The following APOBEC3F variants were observed in gnomAD, a reference collection of about 807,000 sequenced individuals.
APOBEC3F encodes DNA dC->dU-editing enzyme APOBEC-3F.
Under a neutral mutation model 45.8 loss-of-function variants are expected in APOBEC3F, and 34 were observed. That is an observed-to-expected ratio of 0.74 (90% CI 0.57 to 0.99). APOBEC3F has a LOEUF of 0.99. Ranked by LOEUF, APOBEC3F falls within the 50% of genes least tolerant of loss-of-function variation. APOBEC3F has a pLI of 0.00. For missense variants in APOBEC3F, 459 were observed against 474.1 expected (o/e 0.97, Z 0.30); for synonymous variants, 192 against 174.4 (o/e 1.10, Z -0.80).
rs765695851 is a variant in APOBEC3F at position 39,052,143 on chromosome 22, C to T, written c.793C>T (p.Pro265Ser). 58 of 1,614,006 alleles carry T rather than the reference C, an allele frequency of 3.6e-5. No individual in the cohort carries two copies. The highest frequency in any genetic ancestry group is 4.3e-5 in the Non-Finnish European group (51 of 1,179,906). The change falls in exon 6 of 7, where the codon CCT (proline) becomes TCT (serine). Residue 265 changes from proline to serine, a missense_variant. Transcript: ENST00000308521. ...LSWFCDDILS[P>S]NTNYEVTWYT... is the part of the protein sequence containing the mutation. ...TTGGTTCTGTGACGACATACTGTCT[C>T]CTAACACAAACTACGAGGTCACCTG...
chr22:39,047,716 A>T lies in APOBEC3F; in HGVS notation c.567-1709A>T, dbSNP rs545997977. Among the ~76,000 whole-genome samples the T allele has an allele frequency of 5.0e-5, 7 of 139,080 alleles. No homozygotes were observed. The East Asian group carries it at 1.5e-3, about 29-fold the overall frequency. The allele number at this position is 139,080 out of a possible 152,430, so 91.2% of individuals were successfully genotyped here. On this transcript the variant is annotated intron_variant, in intron 4 of 6. Transcript: ENST00000308521. ...AGCTTCTGAATGGGCCATCTCCCCC[A>T]CCTGCCCCAGCCCAGGCCCCCTGCT... is the stretch of plus-strand genomic sequence containing the variant.
chr22:39,047,497 A>C (rs2146346036), intron 4 of APOBEC3F, among the ~76,000 whole-genome samples: 1 of 152,304 alleles, frequency 6.6e-6, no homozygotes, highest in Non-Finnish European at 1.5e-5. Flanking sequence ...GGTGCACATG[A>C]AGCCCCAGAT....
rs376548537 is a variant in APOBEC3F, at chr22:39,052,476, A to C, written c.1004-101A>C. ...GCCTGCAGGGATGGCGCCAGTGTCC[A>C]CTGCAACTGGCAGTCAGGAGACCTG... On this transcript the variant is annotated intron_variant, in intron 6 of 6. Coordinates refer to ENST00000308521, the MANE Select transcript of APOBEC3F (RefSeq NM_145298.6). The C allele has an allele frequency of 7.3e-5, 114 of 1,568,744 alleles. No homozygotes were observed. The African/African-American group carries it at 1.5e-3, about 20-fold the overall frequency.
At position 39,052,251 on chromosome 22, in the gene APOBEC3F, A is replaced by G. The variant is rs377716039; in HGVS notation, c.901A>G (p.Ile301Val). The G allele has an allele frequency of 3.4e-5, 55 of 1,614,060 alleles. No homozygotes were observed. The highest frequency in any genetic ancestry group is 4.3e-5 in the Non-Finnish European group (51 of 1,180,028). Residue 301 changes from isoleucine (I) to valine (V), a missense_variant, in exon 6 of 7, where the codon ATC (isoleucine) becomes GTC (valine). Physicochemically the swap from Ile to Val is conservative, Grantham distance 29. Coordinates refer to ENST00000308521, the MANE Select transcript of APOBEC3F (RefSeq NM_145298.6). ...LARHSNVNLT[I>V]FTARLYYFWD... ...CAGGCACAGCAACGTGAATCTCACC[A>G]TCTTCACCGCCCGCCTCTACTACTT... is the stretch of plus-strand genomic sequence containing the variant.
chr22:39,043,468 T>C (rs1927032739), intron 2 of APOBEC3F, among the ~76,000 whole-genome samples: 1 of 29,966 alleles, frequency 3.3e-5, no homozygotes, highest in South Asian at 1.3e-3. Flanking sequence ...GCCCAGCTAA[T>C]TTTTTTTTTT....
Position 39,053,315 on chromosome 22 carries a change from A to G in APOBEC3F, c.*620A>G, listed in dbSNP as rs1360916685. On this transcript the variant is annotated 3_prime_UTR_variant, in exon 7 of 7. Transcript: ENST00000308521. ...CGGCGGCACAACCAAATCTTATTAA[A>G]CTCACCCTAGGCTGGCCGCGGTGAC... 1 of 151,100 alleles carries G rather than the reference A, an allele frequency of 6.6e-6. No individual in the cohort carries two copies. Among genetic ancestry groups the G allele is most frequent in the East Asian group, 1.9e-4 (1 of 5,142 alleles). The allele number at this position is 151,100 out of a possible 1,614,324, so 9.4% of individuals were successfully genotyped here.
At chr22:39,044,315 A>G (rs1263439434) in intron 2 of APOBEC3F, 3 of 1,442,012 alleles carry the variant, frequency 2.1e-6, no homozygotes, top group Non-Finnish European at 2.7e-6. Context: ...CAGGGCTGGG[A>G]AAACTTCCAA....
intron 5 of APOBEC3F, among the ~76,000 whole-genome samples, chr22:39,050,481 G>C (rs1313770703): frequency 6.9e-6 from 1 of 145,340 alleles, no homozygotes; most frequent in African/African-American, 2.6e-5. Flanking sequence ...AGCAGTGCTG[G>C]CCTCGGAAAC....
chr22:39,052,003 C>T, intron 5 of APOBEC3F, 71 bp from the exon 6 acceptor site: 10 of 1,583,848 alleles, frequency 6.3e-6, no homozygotes, highest in Non-Finnish European at 8.6e-6. Flanking sequence ...CCTCTGCTCC[C>T]ATCGCCCCAC....
At position 39,052,805 on chromosome 22, in the gene APOBEC3F, C is replaced by T. The variant is rs758326383; in HGVS notation, c.*110C>T. On this transcript the variant is annotated 3_prime_UTR_variant, in exon 7 of 7. Transcript: ENST00000308521. ...GCTTTTGCCTGGTCATCCTGAGCCC[C>T]TCCTGGCCTCAGGGCCATTCCATAG... is the stretch of plus-strand genomic sequence containing the variant. The T allele has an allele frequency of 9.3e-6, 14 of 1,513,048 alleles. No individual in the cohort carries two copies. Among genetic ancestry groups the T allele is most frequent in the Non-Finnish European group, 1.2e-5 (14 of 1,137,490 alleles). The allele number at this position is 1,513,048 out of a possible 1,614,324, so 93.7% of individuals were successfully genotyped here.
chr22:39,050,755 C>T (rs1363969803), intron 5 of APOBEC3F, among the ~76,000 whole-genome samples: 1 of 151,704 alleles, frequency 6.6e-6, no homozygotes, highest in Non-Finnish European at 1.5e-5. Context: ...CCCCTTTGGC[C>T]AACCTTCAAC....
chr22:39,048,598 G>A (rs184233771), intron 4 of APOBEC3F, among the ~76,000 whole-genome samples: 104 of 151,788 alleles, frequency 6.9e-4, no homozygotes, highest in Middle Eastern at 6.8e-3. Flanking sequence ...ACAAGGTCAG[G>A]AGTTCAAGAC....
rs1228796917 is a variant in APOBEC3F at position 39,054,141 on chromosome 22, T to C, written c.*1446T>C. On this transcript the variant is annotated 3_prime_UTR_variant, in exon 7 of 7. Transcript: ENST00000308521. ...GATTCTCCTGTCTCAGCCTCCCGAG[T>C]AGCTGGGATTACAGGCGTCCACCAC... Among the ~76,000 whole-genome samples the C allele has an allele frequency of 6.6e-5, 10 of 152,012 alleles. No homozygotes were observed. The highest frequency in any genetic ancestry group is 6.6e-4 in the Admixed American group (10 of 15,250).
At position 39,052,677 on chromosome 22, in the gene APOBEC3F, G is replaced by A. The variant is rs1422445885; in HGVS notation, c.1104G>A (p.Leu368=). 6 of 1,613,478 alleles carry A rather than the reference G, an allele frequency of 3.7e-6. No individual in the cohort carries two copies. In the African/African-American group the frequency reaches 6.7e-5, roughly 18 times the overall value. ...KYNFLFLDSK[L]QEILE is the part of the protein sequence containing the mutation. ...ACTTTCTATTCCTGGACAGCAAGCT[G>A]CAGGAGATTCTCGAGTGAGGGGTCT... Residue 368 remains leucine, a synonymous_variant, in exon 7 of 7, where the codon CTG becomes CTA. Coordinates refer to ENST00000308521, the MANE Select transcript of APOBEC3F (RefSeq NM_145298.6).
At chr22:39,052,533 G>C (rs1323275371) in intron 6 of APOBEC3F, 44 bp from the exon 7 acceptor site, 1 of 1,589,770 alleles carries the variant, frequency 6.3e-7, no homozygotes, top group Non-Finnish European at 8.6e-7. Context: ...GGCTGGGAGA[G>C]AAGCCTGCTG....
rs1445912764 is a variant in APOBEC3F, at chr22:39,045,414, C to G, written c.452-14C>G. 1.2e-6 allele frequency: 2 copies of G among 1,613,892 alleles called. No homozygotes were observed. Among genetic ancestry groups the G allele is most frequent in the African/African-American group, 2.7e-5 (2 of 74,904 alleles). On this transcript the variant is annotated splice_polypyrimidine_tract_variant and intron_variant, in intron 3 of 6. Transcript: ENST00000308521. The stretch of plus-strand genomic sequence containing the variant: ...CAGGGCAGAGCCTGACTGCTTCCTG[C>G]CTCTTCGTCTCAGAATTTGCATACT...
chr22:39,041,246 C>G (rs1462388367), intron 1 of APOBEC3F, among the ~76,000 whole-genome samples: 1 of 152,150 alleles, frequency 6.6e-6, no homozygotes, highest in African/African-American at 2.4e-5. Flanking sequence ...CATGGCAGGG[C>G]TGGTGCTCCC....
intron 4 of APOBEC3F, among the ~76,000 whole-genome samples, chr22:39,047,466 C>T (rs1456704678): frequency 3.9e-5 from 6 of 151,974 alleles, no homozygotes; most frequent in Admixed American, 3.9e-4. Context: ...CCATCAGGGC[C>T]AGGACAAGCC....
chr22:39,050,161 G>A (rs1162751322), intron 5 of APOBEC3F, among the ~76,000 whole-genome samples: 70 of 151,664 alleles, frequency 4.6e-4, no homozygotes, highest in African/African-American at 1.6e-3. Context: ...GGAGCTGTGC[G>A]TCCGGCAGTC....
Sources: gnomAD v4.1 joint callset for allele counts (sites outside exome capture counted in the v4.1 genomes callset) on GRCh38, gnomAD v4.1.1 for gene constraint, MANE v1.5 for transcripts, NCBI Gene and HGNC (gene_info 2026-07-23, HGNC 2026-07-21) for gene names.